The following GPAM variants were observed in gnomAD, a reference collection of about 807,000 sequenced individuals.
GPAM encodes glycerol-3-phosphate acyltransferase 1, mitochondrial.
Under a neutral mutation model 105.0 loss-of-function variants are expected in GPAM, and 56 were observed. The ratio of observed to expected loss-of-function variants is 0.53; its 90% CI spans 0.43 to 0.67. The LOEUF (loss-of-function observed/expected upper bound fraction) is 0.67. Among genes scored for constraint, GPAM ranks in the 30% least tolerant of loss-of-function variants. The probability of loss-of-function intolerance (pLI) is 0.00; values close to 1 mark genes in which losing one functional copy is unlikely to be tolerated. For missense variants in GPAM, 855 were observed against 989.8 expected, an observed-to-expected ratio of 0.86 and a Z score of 1.83; for synonymous variants, 368 against 354.4, an observed-to-expected ratio of 1.04 and a Z score of -0.43.
chr10:112,219,602 G>A (rs1477222885), upstream of GPAM, among the ~76,000 whole-genome samples: 1 of 152,222 alleles, frequency 6.6e-6, no homozygotes, highest in African/African-American at 2.4e-5. Flanking sequence ...TCCTAAGAGA[G>A]TTCTTAAATT....
At chr10:112,178,843 G>C (rs1327915229) in intron 4 of GPAM, among the ~76,000 whole-genome samples, 1 of 152,168 alleles carries the variant, frequency 6.6e-6, no homozygotes, top group Non-Finnish European at 1.5e-5. Context: ...TTGATCTAAA[G>C]AGTATGGTCT....
upstream of GPAM, among the ~76,000 whole-genome samples, chr10:112,188,449 C>T (rs1564686526): frequency 6.6e-6 from 1 of 152,154 alleles, no homozygotes. Flanking sequence ...GATTTCCTGT[C>T]TTCATAAGGT....
intron 1 of GPAM, among the ~76,000 whole-genome samples, chr10:112,206,971 T>G (rs1354654880): frequency 6.6e-6 from 1 of 152,190 alleles, no homozygotes; most frequent in East Asian, 1.9e-4. Context: ...GAATATCTAT[T>G]CAAGCTACAA....
chr10:112,221,217 C>T, the GPAM span, among the ~76,000 whole-genome samples: 111 of 152,290 alleles, frequency 7.3e-4, no homozygotes, highest in African/African-American at 2.6e-3. Flanking sequence ...TCAAGATAAA[C>T]TTAGTCTGTG....
intron 1 of GPAM, among the ~76,000 whole-genome samples, chr10:112,210,731 C>A (rs1696301462): frequency 1.3e-5 from 2 of 152,210 alleles, no homozygotes; most frequent in Admixed American, 6.5e-5. Context: ...CTTAGCCTCC[C>A]CACCACCTCC....
chr10:112,165,683 A>G (rs1847203011), intron 12 of GPAM, among the ~76,000 whole-genome samples: 2 of 151,556 alleles, frequency 1.3e-5, no homozygotes, highest in South Asian at 4.2e-4. Context: ...AGAACATGAA[A>G]CTCCGTCTCA....
intron 1 of GPAM, among the ~76,000 whole-genome samples, chr10:112,214,692 A>G (rs1847949348): frequency 6.6e-6 from 1 of 152,246 alleles, no homozygotes; most frequent in Non-Finnish European, 1.5e-5. Context: ...TGTAGCCAAC[A>G]TCACGAGGAT....
intron 9 of GPAM, among the ~76,000 whole-genome samples, chr10:112,171,207 A>C (rs1847306855): frequency 6.6e-6 from 1 of 151,984 alleles, no homozygotes; most frequent in African/African-American, 2.4e-5. Context: ...CAGACCTACC[A>C]CCTACCCAGT....
chr10:112,189,782 C>T (rs935211405), intron 1 of GPAM, among the ~76,000 whole-genome samples: 1 of 152,164 alleles, frequency 6.6e-6, no homozygotes, highest in Non-Finnish European at 1.5e-5. Flanking sequence ...CCATTTGCTA[C>T]GTAATTCAAT....
chr10:112,150,106 A>T lies in GPAM; in HGVS notation c.*3444T>A. ...CTCTAGACGTTTAGAAATAAGGTCA[A>T]GAATCTCTTTCAAATGCAATCATTA... On this transcript the variant is annotated 3_prime_UTR_variant, in exon 22 of 22. Coordinates refer to ENST00000348367, the MANE Select transcript of GPAM (RefSeq NM_001244949.2). 1 of 984,078 alleles carries T rather than the reference A, an allele frequency of 1.0e-6. No individual in the cohort carries two copies. The allele number at this position is 984,078 out of a possible 1,614,324, so 61.0% of individuals were successfully genotyped here.
chr10:112,191,906 T>C (rs546420935), intron 1 of GPAM, among the ~76,000 whole-genome samples: 1 of 152,060 alleles, frequency 6.6e-6, no homozygotes, highest in South Asian at 2.1e-4. Flanking sequence ...AGGGTGAAGA[T>C]GGGGGGACTG....
intron 1 of GPAM, among the ~76,000 whole-genome samples, chr10:112,206,710 C>G (rs1274486727): frequency 6.7e-6 from 1 of 150,124 alleles, no homozygotes; most frequent in Admixed American, 6.6e-5. Context: ...GGGAGATATA[C>G]CTAATGATAG....
At chr10:112,220,600 T>G in the GPAM span, among the ~76,000 whole-genome samples, 1 of 152,164 alleles carries the variant, frequency 6.6e-6, no homozygotes, top group South Asian at 2.1e-4. Context: ...AATAGTGGGT[T>G]TGTGGTGATC....
chr10:112,188,662 G>A (rs1047385990), upstream of GPAM, among the ~76,000 whole-genome samples: 3 of 152,188 alleles, frequency 2.0e-5, no homozygotes, highest in Non-Finnish European at 4.4e-5. Context: ...GTACCTCTGT[G>A]TACATTGCAT....
In GPAM at chr10:112,160,012, C is replaced by G. The variant is rs988414650; in HGVS notation, c.1801G>C (p.Gly601Arg). The G allele has an allele frequency of 6.2e-7, 1 of 1,612,944 alleles. No homozygotes were observed. The change falls in exon 17 of 22, where the codon GGT becomes CGT. Residue 601 changes from glycine (G) to arginine (R), a missense_variant. Transcript: ENST00000348367. ...YAVLNKRGLG[G>R]PTSTPPNLIS... ...AGGTTAGGTGGGGTGCTAGTGGGAC[C>G]CCCCAGTCCCCTCTTGTTCAGAACT...
In GPAM at chr10:112,172,236, T is replaced by C; in HGVS notation, c.740A>G (p.Asn247Ser). The C allele has an allele frequency of 6.2e-7, 1 of 1,609,134 alleles. No individual in the cohort carries two copies. Among genetic ancestry groups the C allele is most frequent in the Non-Finnish European group, 8.5e-7 (1 of 1,175,562 alleles). ...LLLTFILFCH[N>S]IKAPYIASGN... Reference sequence around the variant, plus strand: ...TGAAGCAATGTATGGTGCTTTGATGTTATGGCAGAAGAGAATGAAAGTGAG... The same window carrying C: ...TGAAGCAATGTATGGTGCTTTGATGCTATGGCAGAAGAGAATGAAAGTGAG... The change falls in exon 9 of 22, where the codon AAC becomes AGC. Residue 247 changes from asparagine to serine, a missense_variant. Coordinates refer to ENST00000348367, the MANE Select transcript of GPAM (RefSeq NM_001244949.2).
upstream of GPAM, among the ~76,000 whole-genome samples, chr10:112,186,269 T>A (rs1175244866): frequency 1.3e-5 from 2 of 151,718 alleles, no homozygotes; most frequent in Non-Finnish European, 2.9e-5. Context: ...CAATCAAGAG[T>A]TCTTTTTATA....
Position 112,200,426 on chromosome 10 carries a change from C to G in GPAM, n.210+14742G>C, listed in dbSNP as rs955633459. On this transcript the variant is annotated intron_variant and non_coding_transcript_variant, in intron 1 of 3. Transcript: ENST00000480130. ...CTTCAGCCTCTCGAGTAGCTGGGAC[C>G]ACAGGTGCATGCCACCAGGCTCAGC... 5.9e-5 allele frequency among the ~76,000 whole-genome samples: 9 copies of G among 151,692 alleles called. No individual in the cohort carries two copies. In the East Asian group the frequency reaches 1.8e-3, roughly 30 times the overall value.
intron 19 of GPAM, 172 bp downstream of exon 19, chr10:112,157,077 A>C (rs2254532): frequency 0.72 from 485,613 of 675,594 alleles, 175,420 homozygotes; most frequent in South Asian, 0.82. Flanking sequence ...TCTACTTAAA[A>C]TGCTATTAAT....
Sources: gnomAD v4.1 joint callset for allele counts (sites outside exome capture counted in the v4.1 genomes callset) on GRCh38, gnomAD v4.1.1 for gene constraint, MANE v1.5 for transcripts, NCBI Gene and HGNC (gene_info 2026-07-23, HGNC 2026-07-21) for gene names.